Variants in TREH observed in about 807,000 individuals in gnomAD.
TREH encodes alpha,alpha-trehalose glucohydrolase.
Under a neutral mutation model 80.5 loss-of-function variants are expected in TREH, and 69 were observed. The ratio of observed to expected loss-of-function variants is 0.86; its 90% CI spans 0.71 to 1.05. The LOEUF (loss-of-function observed/expected upper bound fraction) is 1.05. Among genes scored for constraint, TREH ranks in the 50% least tolerant of loss-of-function variants. TREH has a pLI of 0.00. For synonymous variants in TREH, 309 were observed against 293.5 expected (o/e 1.05, Z -0.54); for missense variants, 716 against 718.8 (o/e 1.00, Z 0.04).
rs1949324488 is a variant in TREH, at chr11:118,661,704, G to T, written c.550C>A (p.Leu184Met). 1 of 1,613,854 alleles carries T rather than the reference G, an allele frequency of 6.2e-7. No homozygotes were observed. Among genetic ancestry groups the T allele is most frequent in the African/African-American group, 1.3e-5 (1 of 74,926 alleles). Reference protein sequence around the residue: ...YWDSYWVMEGLLLSEMAETVK... With the variant: ...YWDSYWVMEGMLLSEMAETVK... ...GTCTCAGCCATCTCTGAGAGGAGCA[G>T]ACCCTCCATGACCCAGTAGGAGTCC... The change falls in exon 6 of 15, where the codon CTG (leucine) becomes ATG (methionine). Residue 184 changes from leucine to methionine, a missense_variant. By Grantham distance (15) the Leu-to-Met change is conservative (BLOSUM62 2). Coordinates refer to ENST00000264029, the MANE Select transcript of TREH (RefSeq NM_007180.3). The surrounding 1 kb of genome is among the most constrained non-coding windows in gnomAD (Gnocchi z 4.2).
chr11:118,678,029 G>C (rs1305389598), intron 1 of TREH, among the ~76,000 whole-genome samples: 11 of 152,112 alleles, frequency 7.2e-5, no homozygotes, highest in Non-Finnish European at 1.3e-4. Context: ...CCTTGTCTCT[G>C]TCTCTAGTCT....
Position 118,660,734 on chromosome 11 carries a change from C to T in TREH, c.908-1G>A. 2 of 1,573,766 alleles carry T rather than the reference C, an allele frequency of 1.3e-6. No individual in the cohort carries two copies. Among genetic ancestry groups the T allele is most frequent in the South Asian group, 1.2e-5 (1 of 86,200 alleles). On this transcript the variant is annotated splice_acceptor_variant, in intron 9 of 14. Coordinates refer to ENST00000264029, the MANE Select transcript of TREH (RefSeq NM_007180.3). LOFTEE classifies it high-confidence loss of function. ...TCAGCCCACAGAGCCTCCCGGTCTC[C>T]TGTGAGGACAGAGCAGGGAACCAGC...
chr11:118,659,990 A>T (rs1949300366), intron 10 of TREH, 26 bp from the exon 11 acceptor site: 4 of 1,546,230 alleles, frequency 2.6e-6, no homozygotes, highest in Non-Finnish European at 3.5e-6. Flanking sequence ...CTTTAGAGCC[A>T]GCAGCCAGTG....
chr11:118,662,689 T>G, intron 4 of TREH, 192 bp downstream of exon 4: 1 of 624,832 alleles, frequency 1.6e-6, no homozygotes, highest in Non-Finnish European at 2.8e-6. Context: ...AGGCGAGATG[T>G]TAGAAGTAGA....
At chr11:118,671,576 A>T (rs1949430088) in intron 1 of TREH, among the ~76,000 whole-genome samples, 2 of 152,182 alleles carry the variant, frequency 1.3e-5, no homozygotes, top group South Asian at 4.1e-4. Context: ...GGCAAATCTA[A>T]GACTTATTGT....
chr11:118,674,799 C>T lies in TREH; in HGVS notation c.89+4740G>A, dbSNP rs968865231. ...TCAGATGATCCACCCACCTCTGCCT[C>T]CCAAAGTGCTGGGATTACAGGCGTG... On this transcript the variant is annotated intron_variant, in intron 1 of 14. Coordinates refer to ENST00000264029, the MANE Select transcript of TREH (RefSeq NM_007180.3). The surrounding 1 kb of genome is among the most constrained non-coding windows in gnomAD (Gnocchi z 4.4). 6.6e-6 allele frequency among the ~76,000 whole-genome samples: 1 copy of T among 152,206 alleles called. No individual in the cohort carries two copies. Among genetic ancestry groups the T allele is most frequent in the Non-Finnish European group, 1.5e-5 (1 of 68,040 alleles).
chr11:118,658,925 T>A lies in TREH; in HGVS notation c.1525A>T (p.Lys509Ter), dbSNP rs201467126. The change falls in exon 13 of 15, where the codon AAG (lysine) becomes TAG (stop). Residue 509 changes from lysine (K) to a stop codon, truncating the protein, a stop_gained. Transcript: ENST00000264029. LOFTEE classifies it high-confidence loss of function. ...IRTNFDVYSQ[K>*]SAMYEKYDVS... is the part of the protein sequence containing the mutation. ...CTCACCTTCTCATACATGGCTGACT[T>A]CTGCGAGTAGACATCAAAATTGGTT... 1.2e-3 allele frequency: 1,939 copies of A among 1,613,800 alleles called. 3 individuals are homozygous for A. Among genetic ancestry groups the A allele is most frequent in the Non-Finnish European group, 1.6e-3 (1,875 of 1,179,868 alleles).
At position 118,658,439 on chromosome 11, in the gene TREH, C is replaced by T. The variant is rs782370082; in HGVS notation, c.1602G>A (p.Glu534=). The change falls in exon 15 of 15, where the codon GAG becomes GAA. Residue 534 remains glutamate, a splice_region_variant and synonymous_variant. Transcript: ENST00000264029. The stretch of plus-strand genomic sequence containing the variant: ...CCACGCCATTCGTCCAGCCAAATCC[C>T]TCCTGGGAGAGGCAGGGCAGTGGGG... ...PGGGGEYEVQ[E]GFGWTNGVVL... is the part of the protein sequence containing the mutation. 2.5e-6 allele frequency: 4 copies of T among 1,610,960 alleles called. No individual in the cohort carries two copies. The East Asian group carries it at 6.7e-5, about 27-fold the overall frequency.
At chr11:118,676,636 GCGT>G (rs1949481834) in intron 1 of TREH, among the ~76,000 whole-genome samples, 1 of 151,984 alleles carries the variant, frequency 6.6e-6, no homozygotes, top group African/African-American at 2.4e-5. Context: ...GCGTGGTGGT[GCGT>G]GCCTATAGTC....
At chr11:118,659,226 G>A in intron 12 of TREH, 144 bp downstream of exon 12, 4 of 837,652 alleles carry the variant, frequency 4.8e-6, no homozygotes, top group Non-Finnish European at 7.3e-6. Context: ...GGACATAAGT[G>A]TCAAGTGGAG....
At position 118,666,851 on chromosome 11, in the gene TREH, CA is replaced by C. The variant is rs1265778256; in HGVS notation, c.90-3413del. ...TTTTCGTGGATGAAAAGCTGTTAAA[CA>C]GAATAGAAAAAAGTTTTATTTTATT... On this transcript the variant is annotated intron_variant, in intron 1 of 14. Transcript: ENST00000264029. Among the ~76,000 whole-genome samples, 9 of 152,098 alleles carry C rather than the reference CA, an allele frequency of 5.9e-5. No homozygotes were observed. The East Asian group carries it at 1.7e-3, about 29-fold the overall frequency.
intron 4 of TREH, 145 bp downstream of exon 4, chr11:118,662,736 G>T: frequency 1.2e-6 from 1 of 817,888 alleles, no homozygotes; most frequent in Non-Finnish European, 1.9e-6. Flanking sequence ...TTTCTAGAGG[G>T]CCTCTATTTG....
Position 118,661,675 on chromosome 11 carries a change from C to T in TREH, c.579G>A (p.Val193=), listed in dbSNP as rs1555145009. 2 of 1,614,002 alleles carry T rather than the reference C, an allele frequency of 1.2e-6. No homozygotes were observed. The highest frequency in any genetic ancestry group is 1.7e-5 in the Admixed American group (1 of 60,028). Residue 193 remains valine, a synonymous_variant, in exon 6 of 15, where the codon GTG becomes GTA. Transcript: ENST00000264029. The surrounding 1 kb of genome is among the most constrained non-coding windows in gnomAD (Gnocchi z 4.2). ...GLLLSEMAET[V]KGMLQNFLDL... ...CCAAGAAGTTCTGCAGCATGCCCTT[C>T]ACCGTCTCAGCCATCTCTGAGAGGA...
chr11:118,660,423 C>T, intron 10 of TREH, 116 bp downstream of exon 10: 5 of 1,098,494 alleles, frequency 4.6e-6, no homozygotes, highest in Non-Finnish European at 6.5e-6. Flanking sequence ...TAGGGCGGGG[C>T]TCGACAGGCT....
In TREH at chr11:118,661,766, T is replaced by C. The variant is rs782054410; in HGVS notation, c.525-37A>G. The C allele has an allele frequency of 2.5e-6, 4 of 1,609,462 alleles. No homozygotes were observed. The Admixed American group carries it at 6.7e-5, about 27-fold the overall frequency. ...GCAGCTTAGGCACCACCCTGCTGCCTCCCTCTGCCCTGCACACCAGCCAGT... is the reference window on the plus strand; with the variant it reads ...GCAGCTTAGGCACCACCCTGCTGCCCCCCTCTGCCCTGCACACCAGCCAGT... On this transcript the variant is annotated intron_variant, in intron 5 of 14. Coordinates refer to ENST00000264029, the MANE Select transcript of TREH (RefSeq NM_007180.3). This position sits in a 1 kb window ranked among gnomAD's most constrained non-coding sequence, Gnocchi z 4.2.
In TREH at chr11:118,661,752, A is replaced by G. The variant is rs541693248; in HGVS notation, c.525-23T>C. ...TCCCTGGGGAAGGGGCAGCTTAGGC[A>G]CCACCCTGCTGCCTCCCTCTGCCCT... On this transcript the variant is annotated intron_variant, in intron 5 of 14. Coordinates refer to ENST00000264029, the MANE Select transcript of TREH (RefSeq NM_007180.3). The surrounding 1 kb of genome is among the most constrained non-coding windows in gnomAD (Gnocchi z 4.2). The G allele has an allele frequency of 6.2e-7, 1 of 1,611,790 alleles. No individual in the cohort carries two copies. Among genetic ancestry groups the G allele is most frequent in the South Asian group, 1.1e-5 (1 of 91,040 alleles).
At position 118,658,774 on chromosome 11, in the gene TREH, C is replaced by G. The variant is rs377649426; in HGVS notation, c.1546-41G>C. 8.7e-6 allele frequency: 14 copies of G among 1,611,172 alleles called. No individual in the cohort carries two copies. In the African/African-American group the frequency reaches 1.9e-4, roughly 22 times the overall value. ...TGGGCTGTATGTCAGGTACTGCCCC[C>G]CAGCTCCAGGAACAACAAACAACCA... On this transcript the variant is annotated intron_variant, in intron 13 of 14. Coordinates refer to ENST00000264029, the MANE Select transcript of TREH (RefSeq NM_007180.3).
chr11:118,664,232 G>C (rs1555145475), intron 1 of TREH, among the ~76,000 whole-genome samples: 1 of 152,220 alleles, frequency 6.6e-6, no homozygotes, highest in Non-Finnish European at 1.5e-5. Context: ...AAGCTGCTTG[G>C]TTTATGGGTA....
At chr11:118,670,064 T>G (rs1949417044) in intron 1 of TREH, among the ~76,000 whole-genome samples, 1 of 152,200 alleles carries the variant, frequency 6.6e-6, no homozygotes, top group Non-Finnish European at 1.5e-5. Flanking sequence ...GTCTTAAATA[T>G]TAAATAAATG....
Sources: allele counts gnomAD v4.1 joint callset (sites outside exome capture counted in the v4.1 genomes callset), GRCh38; gene constraint gnomAD v4.1.1; non-coding constraint Gnocchi (gnomAD v3.1); transcripts MANE v1.5; gene names NCBI Gene and HGNC (gene_info 2026-07-23, HGNC 2026-07-21).